The following CCDC33 variants were observed in gnomAD, a reference collection of about 807,000 sequenced individuals.
CCDC33 encodes the protein coiled-coil domain containing 33, also known as coiled-coil domain-containing protein 33.
CCDC33 carries 94 observed loss-of-function variants against 91.9 expected under a neutral mutation model. That is an observed-to-expected ratio of 1.02 (90% CI 0.87 to 1.21). The LOEUF (loss-of-function observed/expected upper bound fraction) is 1.21. Among genes scored for constraint, CCDC33 ranks in the 50% most tolerant of loss-of-function variants. CCDC33 has a pLI of 0.00. For synonymous variants in CCDC33, 396 were observed against 374.5 expected (o/e 1.06, Z -0.66); for missense variants, 940 against 935.5 (o/e 1.00, Z -0.06).
chr15:74,229,418 G>A (rs1003038435), intron 2 of CCDC33, among the ~76,000 whole-genome samples: 2 of 152,184 alleles, frequency 1.3e-5, no homozygotes, highest in African/African-American at 4.8e-5. Flanking sequence ...GCTTGAACTT[G>A]GGAAGCGGAG....
intron 11 of CCDC33, among the ~76,000 whole-genome samples, chr15:74,312,851 C>G (rs564949206): frequency 2.6e-5 from 4 of 152,304 alleles, no homozygotes; most frequent in African/African-American, 7.2e-5. Flanking sequence ...CACCCACAGC[C>G]TCTCTCTGCT....
chr15:74,289,578 G>A (rs775465401), intron 10 of CCDC33, among the ~76,000 whole-genome samples: 7 of 152,164 alleles, frequency 4.6e-5, no homozygotes, highest in East Asian at 1.9e-4. Context: ...GCCAGGCATC[G>A]TGTTGTGCAC....
chr15:74,262,252 T>C (rs1292381246), intron 2 of CCDC33, among the ~76,000 whole-genome samples, 188 bp from the exon 3 acceptor site: 1 of 152,086 alleles, frequency 6.6e-6, no homozygotes. Flanking sequence ...AGCGAGACAG[T>C]GTGGTCACCT....
At chr15:74,297,455 G>A (rs1015802468) in intron 11 of CCDC33, among the ~76,000 whole-genome samples, 1 of 152,160 alleles carries the variant, frequency 6.6e-6, no homozygotes, top group Non-Finnish European at 1.5e-5. Flanking sequence ...TACTTGGGCA[G>A]GCCGAGGTGG....
At position 74,271,746 on chromosome 15, in the gene CCDC33, AC is replaced by A. The variant is rs1226235499; in HGVS notation, c.594del (p.Ile199Ter). On this transcript the variant is annotated frameshift_variant, in exon 6 of 19. Coordinates refer to ENST00000398814, the MANE Select transcript of CCDC33 (RefSeq NM_025055.5). LOFTEE classifies it high-confidence loss of function. ...GVNEPLANNP[N>X]PIVVIARVVP... is the part of the protein sequence containing the mutation. ...AACGAGCCCCTGGCCAACAACCCCA[AC>A]CCCATAGTGGTGATTGCCCGGGTCG... is the stretch of plus-strand genomic sequence containing the variant. The A allele has an allele frequency of 2.5e-6, 4 of 1,613,570 alleles. No individual in the cohort carries two copies. Among genetic ancestry groups the A allele is most frequent in the Non-Finnish European group, 3.4e-6 (4 of 1,179,776 alleles).
At chr15:74,296,360 C>T (rs2059686557) in intron 11 of CCDC33, among the ~76,000 whole-genome samples, 1 of 152,168 alleles carries the variant, frequency 6.6e-6, no homozygotes, top group Non-Finnish European at 1.5e-5. Flanking sequence ...CACGGTGGCT[C>T]ACACCTGTAA....
intron 11 of CCDC33, chr15:74,301,396 G>T (rs1264332846): frequency 1.3e-5 from 2 of 152,318 alleles, no homozygotes; most frequent in Non-Finnish European, 2.9e-5. Context: ...CCAGCCCTGT[G>T]TCCAGCTGGG....
rs1234664288 is a variant in CCDC33, at chr15:74,223,791, CACACAGCAG to C, written c.675+4934_675+4942del. On this transcript the variant is annotated intron_variant, in intron 2 of 2. Coordinates refer to the CCDC33 transcript ENST00000635913. ...GCAAGCATGCACACACACACACACA[CACACAGCAG>C]ACAGCAGACAGCTGCTTTACATTTC... 4.0e-4 allele frequency among the ~76,000 whole-genome samples: 61 copies of C among 151,984 alleles called. 1 individual carries two copies. The highest frequency in any genetic ancestry group is 1.4e-3 in the African/African-American group (59 of 41,436).
At chr15:74,263,733 T>C (rs2076090556) in intron 3 of CCDC33, among the ~76,000 whole-genome samples, 1 of 152,146 alleles carries the variant, frequency 6.6e-6, no homozygotes, top group Non-Finnish European at 1.5e-5. Context: ...GTGAATGTGG[T>C]GTGTGCTGTG....
intron 3 of CCDC33, among the ~76,000 whole-genome samples, 177 bp from the exon 4 acceptor site, chr15:74,266,501 G>A (rs911015475): frequency 3.3e-5 from 5 of 152,222 alleles, no homozygotes; most frequent in Non-Finnish European, 5.9e-5. Context: ...GGCTCAGACT[G>A]TGCTTGTGGG....
At chr15:74,209,508 C>G (rs2074336744) in exon 2 of CCDC33, 1 of 1,433,020 alleles carries the variant, frequency 7.0e-7, no homozygotes, top group African/African-American at 1.4e-5. Flanking sequence ...GGGGAGTCAT[C>G]ACAGGGCTTC....
Position 74,308,494 on chromosome 15 carries a change from G to A in CCDC33, c.1290+12546G>A, listed in dbSNP as rs183167608. 4.4e-3 allele frequency among the ~76,000 whole-genome samples: 677 copies of A among 152,250 alleles called. 5 individuals carry two copies. The highest frequency in any genetic ancestry group is 5.4e-3 in the Non-Finnish European group (367 of 68,028). On this transcript the variant is annotated intron_variant, in intron 11 of 18. Coordinates refer to ENST00000398814, the MANE Select transcript of CCDC33 (RefSeq NM_025055.5). ...TTCATCGGCTCCTGCCAGAGCTGCC[G>A]TCCCCTCCTTAGGGCGGAGTCGAGG...
exon 2 of CCDC33, chr15:74,209,488 C>T (rs1300062151): frequency 6.6e-7 from 1 of 1,517,284 alleles, no homozygotes; most frequent in South Asian, 1.2e-5. Flanking sequence ...AGGGCCCTGA[C>T]CACAGCTAAG....
At chr15:74,298,725 T>TG (rs1478591649) in intron 11 of CCDC33, among the ~76,000 whole-genome samples, 1 of 146,208 alleles carries the variant, frequency 6.8e-6, no homozygotes, top group African/African-American at 2.5e-5. Flanking sequence ...TTTTTTTTTT[T>TG]TTTTTTGAGA....
intron 11 of CCDC33, among the ~76,000 whole-genome samples, chr15:74,327,299 C>G (rs2099289828): frequency 6.6e-6 from 1 of 152,206 alleles, no homozygotes; most frequent in Non-Finnish European, 1.5e-5. Context: ...CTTCCTCGCT[C>G]TGGGCCCCAG....
At chr15:74,207,013 T>C (rs2074275056) in intron 1 of CCDC33, among the ~76,000 whole-genome samples, 1 of 152,240 alleles carries the variant, frequency 6.6e-6, no homozygotes, top group African/African-American at 2.4e-5. Flanking sequence ...CCATCTGCCA[T>C]TTGGGCTTGG....
chr15:74,264,304 G>T (rs761974397), intron 3 of CCDC33, among the ~76,000 whole-genome samples: 1 of 152,170 alleles, frequency 6.6e-6, no homozygotes, highest in Non-Finnish European at 1.5e-5. Flanking sequence ...CCTGTGTCAG[G>T]GCCAAAGCAG....
intron 1 of CCDC33, chr15:74,209,039 C>T (rs891794702): frequency 1.0e-5 from 12 of 1,160,672 alleles, no homozygotes; most frequent in Non-Finnish European, 1.3e-5. Context: ...CTGCTCCTCC[C>T]GGAAGGCAGC....
rs954212911 is a variant in CCDC33 at position 74,316,690 on chromosome 15, G to A, written c.1291-13499G>A. Among the ~76,000 whole-genome samples the A allele has an allele frequency of 5.3e-5, 8 of 152,142 alleles. No homozygotes were observed. Among genetic ancestry groups the A allele is most frequent in the African/African-American group, 1.2e-4 (5 of 41,432 alleles). ...CAGGGAGGATGGCCGACTCCACCAC[G>A]GGCCTCCCTTTCATTTCCCTGGAGG... is the stretch of plus-strand genomic sequence containing the variant. On this transcript the variant is annotated intron_variant, in intron 11 of 18. Coordinates refer to ENST00000398814, the MANE Select transcript of CCDC33 (RefSeq NM_025055.5). The surrounding 1 kb of genome is among the most constrained non-coding windows in gnomAD (Gnocchi z 4.7).
Sources: allele counts gnomAD v4.1 joint callset (sites outside exome capture counted in the v4.1 genomes callset), GRCh38; gene constraint gnomAD v4.1.1; non-coding constraint Gnocchi (gnomAD v3.1); transcripts MANE v1.5; gene names NCBI Gene and HGNC (gene_info 2026-07-23, HGNC 2026-07-21).